The following NPEPPS variants were observed in gnomAD, a reference collection of about 807,000 sequenced individuals.
The protein encoded by NPEPPS is aminopeptidase puromycin sensitive.
A neutral mutation model predicts 115.5 loss-of-function variants in NPEPPS; 14 were observed. The ratio of observed to expected loss-of-function variants is 0.12; its 90% CI spans 0.08 to 0.19. The LOEUF (loss-of-function observed/expected upper bound fraction) is 0.19. Among genes scored for constraint, NPEPPS ranks in the 10% least tolerant of loss-of-function variants. The pLI is 1.00. For synonymous variants in NPEPPS, 285 were observed against 390.6 expected (o/e 0.73, Z 3.19); for missense variants, 523 against 1,110.8 (o/e 0.47, Z 7.52).
upstream of NPEPPS, among the ~76,000 whole-genome samples, chr17:47,527,873 C>T (rs1489343976): frequency 1.7e-4 from 25 of 149,612 alleles, no homozygotes; most frequent in Non-Finnish European, 3.0e-5. Flanking sequence ...CGCTTGAACC[C>T]GGGGGGCAGA....
chr17:47,544,364 C>A (rs372846060), intron 1 of NPEPPS, among the ~76,000 whole-genome samples: 2 of 152,088 alleles, frequency 1.3e-5, no homozygotes, highest in East Asian at 1.9e-4. Flanking sequence ...AAAGTTTTGA[C>A]ATAATTTATA....
intron 2 of NPEPPS, among the ~76,000 whole-genome samples, chr17:47,550,605 T>C (rs1346539954): frequency 2.8e-5 from 4 of 144,648 alleles, no homozygotes; most frequent in South Asian, 2.2e-4. Flanking sequence ...ATACCAGATA[T>C]ATATATATGT....
At chr17:47,535,334 G>A (rs1300441729) in intron 1 of NPEPPS, among the ~76,000 whole-genome samples, 5 of 148,118 alleles carry the variant, frequency 3.4e-5, no homozygotes, top group African/African-American at 1.2e-4. Context: ...GGCAGATCAT[G>A]AGGTCAGGAG....
rs537489763 is a variant in NPEPPS, at chr17:47,583,468, C to A, written c.648+619C>A. On this transcript the variant is annotated intron_variant, in intron 5 of 22. Coordinates refer to ENST00000322157, the MANE Select transcript of NPEPPS (RefSeq NM_006310.4). ...AGTGTGGTTGCACACACCTGTAGTC[C>A]CAGCTAGTTGGGAGGCCGAGGTGGG... 3.9e-5 allele frequency among the ~76,000 whole-genome samples: 6 copies of A among 151,918 alleles called. No individual in the cohort carries two copies. The South Asian group carries it at 1.3e-3, about 32-fold the overall frequency.
intron 18 of NPEPPS, among the ~76,000 whole-genome samples, 186 bp downstream of exon 18, chr17:47,612,788 T>C (rs1913959211): frequency 6.6e-6 from 1 of 151,814 alleles, no homozygotes; most frequent in South Asian, 2.1e-4. Context: ...CTCAGCCTCC[T>C]GGCTAGCTGA....
At chr17:47,565,487 C>T (rs2143789391) in intron 2 of NPEPPS, among the ~76,000 whole-genome samples, 1 of 116,188 alleles carries the variant, frequency 8.6e-6, no homozygotes, top group African/African-American at 3.4e-5. Context: ...GCCTGGGCGA[C>T]AGAGCAAGAC....
At chr17:47,556,654 C>T (rs76009837) in intron 2 of NPEPPS, among the ~76,000 whole-genome samples, 8 of 152,210 alleles carry the variant, frequency 5.3e-5, no homozygotes, top group Admixed American at 4.6e-4. Context: ...CCAGAAGGGG[C>T]GGCCGGGCAG....
At chr17:47,541,084 T>C (rs1908723758) in intron 1 of NPEPPS, among the ~76,000 whole-genome samples, 2 of 152,186 alleles carry the variant, frequency 1.3e-5, no homozygotes, top group Admixed American at 1.3e-4. Flanking sequence ...CATGGTGCCT[T>C]TCCAAAATGC....
intron 12 of NPEPPS, among the ~76,000 whole-genome samples, chr17:47,594,972 C>T (rs1042587784): frequency 2.0e-5 from 3 of 151,294 alleles, no homozygotes; most frequent in South Asian, 2.1e-4. Context: ...CTCTGTCGCC[C>T]AGGCTGGAGT....
At chr17:47,552,716 G>A (rs1909734865) in intron 2 of NPEPPS, among the ~76,000 whole-genome samples, 1 of 152,140 alleles carries the variant, frequency 6.6e-6, no homozygotes, top group African/African-American at 2.4e-5. Flanking sequence ...TGACTATAGA[G>A]GGAACGTTTT....
At chr17:47,533,585 A>G (rs1323814405) in intron 1 of NPEPPS, among the ~76,000 whole-genome samples, 1 of 152,200 alleles carries the variant, frequency 6.6e-6, no homozygotes, top group Admixed American at 6.6e-5. Flanking sequence ...TATTTTGGGA[A>G]AAGTCTAGAA....
intron 19 of NPEPPS, among the ~76,000 whole-genome samples, chr17:47,615,113 C>CT (rs1446836232): frequency 1.5e-5 from 2 of 135,132 alleles, no homozygotes; most frequent in Non-Finnish European, 3.0e-5. Flanking sequence ...GAGTCTCACT[C>CT]TGTCACCAGG....
In NPEPPS at chr17:47,622,685, A is replaced by G; in HGVS notation, c.*765A>G. 1 of 352,682 alleles carries G rather than the reference A, an allele frequency of 2.8e-6. No individual in the cohort carries two copies. Among genetic ancestry groups the G allele is most frequent in the South Asian group, 2.3e-5 (1 of 42,968 alleles). 21.8% of individuals were successfully genotyped at this position (352,682 alleles called of 1,614,324 possible). ...TAATAAGGAAACATCTTTCATAGCC[A>G]CATTAAATAAGAGAAACTGATATAC... On this transcript the variant is annotated 3_prime_UTR_variant, in exon 23 of 23. Coordinates refer to ENST00000322157, the MANE Select transcript of NPEPPS (RefSeq NM_006310.4).
At chr17:47,527,370 G>T (rs2143635216), upstream of NPEPPS, among the ~76,000 whole-genome samples, 1 of 151,604 alleles carries the variant, frequency 6.6e-6, no homozygotes, top group East Asian at 2.0e-4. Context: ...TGTAATCCCA[G>T]CTACTTGGGT....
chr17:47,558,102 G>T (rs908499295), intron 2 of NPEPPS, among the ~76,000 whole-genome samples: 21 of 151,162 alleles, frequency 1.4e-4, no homozygotes, highest in African/African-American at 5.1e-4. Context: ...CATTTTTGTG[G>T]GTTTTTATTT....
In NPEPPS at chr17:47,565,321, C is replaced by T. The variant is rs550401444; in HGVS notation, c.341-4096C>T. Among the ~76,000 whole-genome samples, 363 of 151,912 alleles carry T rather than the reference C, an allele frequency of 2.4e-3. 1 individual carries two copies. The highest frequency in any genetic ancestry group is 2.5e-3 in the Non-Finnish European group (173 of 67,964). On this transcript the variant is annotated intron_variant, in intron 2 of 22. Coordinates refer to ENST00000322157, the MANE Select transcript of NPEPPS (RefSeq NM_006310.4). ...GTCAAGAGACTGAGACCATCCTGGC[C>T]AACGTGCTGAAACTCTATCTCTACT...
At chr17:47,608,195 C>T (rs1356614787) in intron 17 of NPEPPS, among the ~76,000 whole-genome samples, 1 of 152,138 alleles carries the variant, frequency 6.6e-6, no homozygotes, top group Admixed American at 6.5e-5. Flanking sequence ...TAGCTCACAC[C>T]CGTAATCCCA....
intron 20 of NPEPPS, 40 bp downstream of exon 20, chr17:47,618,497 A>G (rs759049447): frequency 7.4e-7 from 1 of 1,348,654 alleles, no homozygotes. Flanking sequence ...GTGAATCGTT[A>G]CCCATCTCTG....
At chr17:47,602,637 CAAAA>C (rs753076891) in intron 15 of NPEPPS, among the ~76,000 whole-genome samples, 3 of 51,960 alleles carry the variant, frequency 5.8e-5, no homozygotes, top group Admixed American at 4.1e-4. Context: ...GACGCCATCT[CAAAA>C]AAAAAAAAAA....
Sources: gnomAD v4.1 joint callset for allele counts (sites outside exome capture counted in the v4.1 genomes callset) on GRCh38, gnomAD v4.1.1 for gene constraint, MANE v1.5 for transcripts, NCBI Gene and HGNC (gene_info 2026-07-23, HGNC 2026-07-21) for gene names.